The following CLSTN2 variants were observed in gnomAD, a reference collection of about 807,000 sequenced individuals.
The protein encoded by CLSTN2 is calsyntenin 2.
In CLSTN2, 48 loss-of-function variants were observed where a neutral mutation model predicts 101.2. The ratio of observed to expected loss-of-function variants is 0.47; its 90% CI spans 0.38 to 0.60. CLSTN2 has a LOEUF of 0.60. CLSTN2 is among the 20% of genes least tolerant of loss of function. CLSTN2 has a pLI of 0.00. For missense variants in CLSTN2, 1,160 were observed against 1,238.2 expected, an observed-to-expected ratio of 0.94 and a Z score of 0.95; for synonymous variants, 481 against 463.6, an observed-to-expected ratio of 1.04 and a Z score of -0.48.
chr3:140,483,071 T>C (rs1440776384), intron 8 of CLSTN2, among the ~76,000 whole-genome samples: 3 of 152,252 alleles, frequency 2.0e-5, no homozygotes, highest in African/African-American at 7.2e-5. Context: ...CTTTCTCTTG[T>C]GGGCATTTAG....
chr3:140,485,459 G>A (rs1934217815), intron 8 of CLSTN2, among the ~76,000 whole-genome samples: 1 of 152,206 alleles, frequency 6.6e-6, no homozygotes, highest in Non-Finnish European at 1.5e-5. Flanking sequence ...TGTGTGCTGG[G>A]AGAACCACTA....
intron 2 of CLSTN2, among the ~76,000 whole-genome samples, chr3:140,294,702 T>C (rs2086986406): frequency 6.6e-6 from 1 of 152,156 alleles, no homozygotes; most frequent in African/African-American, 2.4e-5. Context: ...CCCCTCTCTC[T>C]TTCTGTCTTA....
At chr3:140,304,553 A>G (rs1385127202) in intron 2 of CLSTN2, among the ~76,000 whole-genome samples, 2 of 152,120 alleles carry the variant, frequency 1.3e-5, no homozygotes, top group Non-Finnish European at 2.9e-5. Context: ...TCATGATCTC[A>G]TCTAAGCCTA....
At chr3:140,021,334 G>T (rs1051693704) in intron 1 of CLSTN2, among the ~76,000 whole-genome samples, 3 of 152,248 alleles carry the variant, frequency 2.0e-5, no homozygotes, top group Admixed American at 6.5e-5. Flanking sequence ...CCTGGGAGAA[G>T]TGGATTCTAA....
chr3:140,373,101 A>G (rs1487235446), intron 2 of CLSTN2, among the ~76,000 whole-genome samples: 7 of 152,226 alleles, frequency 4.6e-5, no homozygotes, highest in Non-Finnish European at 1.0e-4. Flanking sequence ...TTAAAAAGCT[A>G]AAAAGGCTCT....
intron 2 of CLSTN2, among the ~76,000 whole-genome samples, chr3:140,263,034 G>A (rs1002676865): frequency 1.3e-4 from 19 of 151,878 alleles, no homozygotes; most frequent in African/African-American, 2.2e-4. Flanking sequence ...GTACTTGACC[G>A]TTCCCCACAT....
chr3:140,169,585 G>A (rs1187933048), intron 1 of CLSTN2, among the ~76,000 whole-genome samples: 1 of 152,122 alleles, frequency 6.6e-6, no homozygotes, highest in Non-Finnish European at 1.5e-5. Context: ...CATTAAGTAT[G>A]ATATTAGCTA....
At chr3:140,383,814 A>G (rs1016534597) in intron 2 of CLSTN2, among the ~76,000 whole-genome samples, 3 of 152,246 alleles carry the variant, frequency 2.0e-5, no homozygotes, top group Admixed American at 1.3e-4. Context: ...CCGTGTGGCT[A>G]TAATTTATCT....
chr3:140,327,163 C>T (rs1448087862), intron 2 of CLSTN2, among the ~76,000 whole-genome samples: 1 of 152,148 alleles, frequency 6.6e-6, no homozygotes, highest in African/African-American at 2.4e-5. Flanking sequence ...TACACATGCG[C>T]TGAATGAGCC....
intron 1 of CLSTN2, among the ~76,000 whole-genome samples, chr3:140,048,612 G>C (rs751794094): frequency 2.0e-5 from 3 of 152,226 alleles, no homozygotes; most frequent in African/African-American, 4.8e-5. Flanking sequence ...CTGAGGCAAA[G>C]AGAGATTAGA....
At chr3:140,073,785 A>G (rs1221572056) in intron 1 of CLSTN2, among the ~76,000 whole-genome samples, 1 of 152,212 alleles carries the variant, frequency 6.6e-6, no homozygotes, top group Non-Finnish European at 1.5e-5. Context: ...GCATGGTTTA[A>G]CTGTGGTTAT....
chr3:140,418,213 T>C (rs1025818609), intron 4 of CLSTN2, among the ~76,000 whole-genome samples: 2 of 152,104 alleles, frequency 1.3e-5, no homozygotes, highest in Non-Finnish European at 1.5e-5. Context: ...ACAGAATTCC[T>C]CCCCTGTGAC....
At chr3:140,271,665 T>C (rs2086743350) in intron 2 of CLSTN2, among the ~76,000 whole-genome samples, 1 of 152,202 alleles carries the variant, frequency 6.6e-6, no homozygotes, top group Non-Finnish European at 1.5e-5. Context: ...CACTTCCCAG[T>C]GGCCCCACCT....
chr3:140,294,465 A>G (rs930074439), intron 2 of CLSTN2, among the ~76,000 whole-genome samples: 5 of 152,164 alleles, frequency 3.3e-5, no homozygotes, highest in Admixed American at 2.6e-4. Flanking sequence ...GATCACCATC[A>G]TCATGAAGGG....
chr3:139,977,864 A>G (rs1457422169), intron 1 of CLSTN2, among the ~76,000 whole-genome samples: 2 of 152,164 alleles, frequency 1.3e-5, no homozygotes, highest in African/African-American at 4.8e-5. Context: ...AGAAAAATAT[A>G]GCTTTGGAAT....
At chr3:140,264,103 G>A (rs1171529524) in intron 2 of CLSTN2, among the ~76,000 whole-genome samples, 1 of 152,126 alleles carries the variant, frequency 6.6e-6, no homozygotes, top group East Asian at 1.9e-4. Flanking sequence ...GTCAAACGAG[G>A]TGATGCTCTG....
At chr3:140,270,312 C>A (rs1489405011) in intron 2 of CLSTN2, among the ~76,000 whole-genome samples, 1 of 152,172 alleles carries the variant, frequency 6.6e-6, no homozygotes, top group Non-Finnish European at 1.5e-5. Context: ...CCCATATGCA[C>A]CTGGCCCCAG....
At position 140,553,134 on chromosome 3, in the gene CLSTN2, G is replaced by T. The variant is rs72980109; in HGVS notation, c.1675-3379G>T. ...CCAAGATCTAGCACCAGAGGGTGGT[G>T]CTCTTGGCCTGATGTCACGGCTCAG... is the stretch of plus-strand genomic sequence containing the variant. On this transcript the variant is annotated intron_variant, in intron 10 of 16. Coordinates refer to ENST00000458420, the MANE Select transcript of CLSTN2 (RefSeq NM_022131.3). 4.3e-3 allele frequency among the ~76,000 whole-genome samples: 651 copies of T among 152,326 alleles called. 8 individuals are homozygous for T. Among genetic ancestry groups the T allele is most frequent in the African/African-American group, 0.015 (631 of 41,576 alleles).
chr3:140,185,136 C>A (rs1034606403), intron 2 of CLSTN2, among the ~76,000 whole-genome samples: 1 of 152,122 alleles, frequency 6.6e-6, no homozygotes, highest in Admixed American at 6.5e-5. Context: ...TTTGCTATAT[C>A]CCAAGTCCGG....
Sources: gnomAD v4.1 joint callset for allele counts (sites outside exome capture counted in the v4.1 genomes callset) on GRCh38, gnomAD v4.1.1 for gene constraint, MANE v1.5 for transcripts, NCBI Gene and HGNC (gene_info 2026-07-23, HGNC 2026-07-21) for gene names.